Variants in HMCN1 observed in about 807,000 individuals in gnomAD.
The protein encoded by HMCN1 is hemicentin 1.
In HMCN1, 321 loss-of-function variants were observed where a neutral mutation model predicts 625.9. The observed-to-expected ratio is 0.51, with a 90% CI of 0.47 to 0.56. The LOEUF is 0.56. HMCN1 is among the 20% of genes least tolerant of loss of function. The pLI is 0.00. For synonymous variants in HMCN1, 2,425 were observed against 2,417.6 expected, an observed-to-expected ratio of 1.00 and a Z score of -0.09; for missense variants, 6,588 against 6,887.3, an observed-to-expected ratio of 0.96 and a Z score of 1.54.
intron 1 of HMCN1, among the ~76,000 whole-genome samples, chr1:185,808,679 T>A (rs1431022941): frequency 6.6e-6 from 1 of 152,246 alleles, no homozygotes; most frequent in Non-Finnish European, 1.5e-5. Context: ...TTTTGATGTT[T>A]GCAATTTGAT....
Position 186,115,116 on chromosome 1 carries a change from G to A in HMCN1, c.11405-142G>A. 2.2e-6 allele frequency: 3 copies of A among 1,336,004 alleles called. No individual in the cohort carries two copies. In the South Asian group the frequency reaches 3.5e-5, roughly 16 times the overall value. 82.8% of individuals were successfully genotyped at this position (1,336,004 alleles called of 1,614,324 possible). Reference sequence around the variant, plus strand: ...CCTTAGTATAGTTAATATCATCACAGCACTATTAAAATTTGCAGAGTCTTG... The same window carrying A: ...CCTTAGTATAGTTAATATCATCACAACACTATTAAAATTTGCAGAGTCTTG... On this transcript the variant is annotated intron_variant, in intron 74 of 106. Coordinates refer to ENST00000271588, the MANE Select transcript of HMCN1 (RefSeq NM_031935.3).
chr1:186,164,446 T>C (rs772099274), intron 97 of HMCN1, among the ~76,000 whole-genome samples: 1 of 152,230 alleles, frequency 6.6e-6, no homozygotes, highest in African/African-American at 2.4e-5. Context: ...GGTTTCACCA[T>C]GTTAGGCAGG....
At position 185,911,777 on chromosome 1, in the gene HMCN1, G is replaced by C; in HGVS notation, c.897G>C (p.Val299=). The change falls in exon 6 of 107, where the codon GTG becomes GTC. Residue 299 remains valine (V), a synonymous_variant. Coordinates refer to ENST00000271588, the MANE Select transcript of HMCN1 (RefSeq NM_031935.3). ...VKEPEAGMWT[V]KTSSSGRHSV... is the part of the protein sequence containing the mutation. ...AGCCAGAGGCTGGAATGTGGACAGT[G>C]AAGGTACGGTTGTTTCACAAAGTTT... 1 of 1,604,782 alleles carries C rather than the reference G, an allele frequency of 6.2e-7. No individual in the cohort carries two copies. The highest frequency in any genetic ancestry group is 8.5e-7 in the Non-Finnish European group (1 of 1,171,708).
intron 97 of HMCN1, among the ~76,000 whole-genome samples, chr1:186,159,968 A>G (rs1327685668): frequency 2.0e-5 from 3 of 151,174 alleles, no homozygotes; most frequent in South Asian, 2.1e-4. Context: ...CTCTTTTTCT[A>G]TTGATTGGAA....
chr1:186,096,228 T>C (rs1345683508), intron 68 of HMCN1, among the ~76,000 whole-genome samples: 3 of 152,102 alleles, frequency 2.0e-5, no homozygotes, highest in African/African-American at 4.8e-5. Flanking sequence ...CTTGGTTAGG[T>C]AGAAGTTAGC....
At chr1:185,940,053 T>C (rs1298777204) in intron 11 of HMCN1, among the ~76,000 whole-genome samples, 2 of 152,222 alleles carry the variant, frequency 1.3e-5, no homozygotes, top group African/African-American at 4.8e-5. Flanking sequence ...GCTCTAGTTC[T>C]GTTAGGTATA....
At chr1:186,145,715 C>T (rs1650275764) in intron 92 of HMCN1, 38 bp from the exon 93 acceptor site, 2 of 1,571,878 alleles carry the variant, frequency 1.3e-6, no homozygotes, top group African/African-American at 1.4e-5. Context: ...ATTTTGAAGC[C>T]AATTTCTTAA....
intron 11 of HMCN1, among the ~76,000 whole-genome samples, chr1:185,952,771 G>A (rs774903425): frequency 1.3e-5 from 2 of 151,686 alleles, no homozygotes; most frequent in Non-Finnish European, 1.5e-5. Flanking sequence ...GAAGGTGGAA[G>A]CTTGCCCATA....
intron 54 of HMCN1, 108 bp downstream of exon 54, chr1:186,076,730 T>C: frequency 6.4e-6 from 7 of 1,098,024 alleles, no homozygotes; most frequent in Non-Finnish European, 9.5e-6. Flanking sequence ...GTAATTTAAC[T>C]GGCAGTTAGA....
intron 1 of HMCN1, among the ~76,000 whole-genome samples, chr1:185,811,456 A>T (rs1659510052): frequency 6.6e-6 from 1 of 152,066 alleles, no homozygotes; most frequent in Non-Finnish European, 1.5e-5. Context: ...AGTTAGCCAG[A>T]TGCAGTGTCA....
chr1:185,735,250 C>A (rs944435978), intron 1 of HMCN1, among the ~76,000 whole-genome samples: 2 of 152,166 alleles, frequency 1.3e-5, no homozygotes, highest in Non-Finnish European at 2.9e-5. Flanking sequence ...GTGGAGATGG[C>A]TTGTTTAGGG....
chr1:186,182,095 A>G (rs949037431), intron 104 of HMCN1, 73 bp from the exon 105 acceptor site: 8 of 1,557,526 alleles, frequency 5.1e-6, no homozygotes, highest in Admixed American at 3.3e-5. Context: ...CAACAACTTG[A>G]TGAGAGTTGG....
chr1:186,178,760 T>A lies in HMCN1; in HGVS notation c.16288T>A (p.Cys5430Ser). ...AGGCTCTGAGGCAAGCCATGACACATGTGTAGGTAAATGTCAGCCATATTA... is the reference window on the plus strand; with the variant it reads ...AGGCTCTGAGGCAAGCCATGACACAAGTGTAGGTAAATGTCAGCCATATTA... ...PEGSEASHDT[C>S]VDIDECENTD... The change falls in exon 104 of 107, where the codon TGT (cysteine) becomes AGT (serine). Residue 5430 changes from cysteine (C) to serine (S), a missense_variant. Physicochemically the swap from Cys to Ser is moderately radical, Grantham distance 112. Transcript: ENST00000271588. The A allele has an allele frequency of 1.2e-6, 2 of 1,600,016 alleles. No homozygotes were observed. The highest frequency in any genetic ancestry group is 1.1e-5 in the South Asian group (1 of 90,794).
chr1:186,118,334 G>A (rs1354226552), intron 77 of HMCN1, among the ~76,000 whole-genome samples: 1 of 152,224 alleles, frequency 6.6e-6, no homozygotes, highest in Admixed American at 6.5e-5. Flanking sequence ...CAATAGAAGG[G>A]TAATAGTGGA....
Position 185,925,114 on chromosome 1 carries a change from C to CT in HMCN1, c.1354dup (p.Ser452PhefsTer3). 1 of 1,613,722 alleles carries CT rather than the reference C, an allele frequency of 6.2e-7. No individual in the cohort carries two copies. The highest frequency in any genetic ancestry group is 8.5e-7 in the Non-Finnish European group (1 of 1,179,676). ...ATCTGCAGCCGGGCCAAATTCCCTGCTCTGTTGACAGTCTTTTGCCCTTTA... is the reference window on the plus strand; with the variant it reads ...ATCTGCAGCCGGGCCAAATTCCCTGCTTCTGTTGACAGTCTTTTGCCCTTTA... On this transcript the variant is annotated frameshift_variant, in exon 9 of 107. Coordinates refer to ENST00000271588, the MANE Select transcript of HMCN1 (RefSeq NM_031935.3). LOFTEE classifies it high-confidence loss of function.
chr1:185,736,254 A>G (rs1197727817), intron 1 of HMCN1, among the ~76,000 whole-genome samples: 2 of 152,200 alleles, frequency 1.3e-5, no homozygotes, highest in Non-Finnish European at 2.9e-5. Context: ...TGTAATATAT[A>G]TATACACACA....
chr1:186,007,369 A>G (rs1462433330), intron 30 of HMCN1, 87 bp downstream of exon 30: 8 of 1,220,590 alleles, frequency 6.6e-6, no homozygotes, highest in Non-Finnish European at 7.2e-6. Flanking sequence ...CTCTTATTTC[A>G]TACTGAATAA....
chr1:185,886,257 A>T (rs1308777876), intron 4 of HMCN1, among the ~76,000 whole-genome samples: 1 of 152,060 alleles, frequency 6.6e-6, no homozygotes, highest in Non-Finnish European at 1.5e-5. Flanking sequence ...AAACAGAGAA[A>T]CAGAGAGACA....
intron 2 of HMCN1, among the ~76,000 whole-genome samples, chr1:185,863,795 A>T (rs1663015053): frequency 6.6e-6 from 1 of 152,252 alleles, no homozygotes. Flanking sequence ...AAAATGAAAC[A>T]GAGTCAGAGT....
Sources: allele counts gnomAD v4.1 joint callset (sites outside exome capture counted in the v4.1 genomes callset), GRCh38; gene constraint gnomAD v4.1.1; transcripts MANE v1.5; gene names NCBI Gene and HGNC (gene_info 2026-07-23, HGNC 2026-07-21).